ZNF638: variants seen among roughly 807,000 people sequenced by gnomAD.
ZNF638 encodes CTCL tumor antigen se33-1.
ZNF638 carries 46 observed loss-of-function variants against 195.6 expected under a neutral mutation model. The ratio of observed to expected loss-of-function variants is 0.24; its 90% confidence interval spans 0.19 to 0.30. ZNF638 has a LOEUF of 0.30. ZNF638 is among the 10% of genes least tolerant of loss of function. The pLI is 1.00. For missense variants in ZNF638, 2,440 were observed against 2,325.3 expected, an observed-to-expected ratio of 1.05 and a Z score of -1.01; for synonymous variants, 845 against 772.0, an observed-to-expected ratio of 1.09 and a Z score of -1.57.
At chr2:71,431,164 C>A in intron 25 of ZNF638, 163 bp from the exon 26 acceptor site, 1 of 579,856 alleles carries the variant, frequency 1.7e-6, no homozygotes, top group Non-Finnish European at 3.1e-6. Flanking sequence ...CCATTTATTC[C>A]TTACATTAAA....
chr2:71,384,683 G>A (rs943369143), intron 10 of ZNF638, among the ~76,000 whole-genome samples: 1 of 123,640 alleles, frequency 8.1e-6, no homozygotes, highest in Non-Finnish European at 1.9e-5. Context: ...TTCCTTGATC[G>A]AATGATTTTT....
chr2:71,409,423 A>T (rs1236624871), intron 20 of ZNF638, among the ~76,000 whole-genome samples: 1 of 152,078 alleles, frequency 6.6e-6, no homozygotes, highest in Non-Finnish European at 1.5e-5. Flanking sequence ...AGCATGTAGC[A>T]CTCCATTCTA....
chr2:71,386,279 G>T, intron 10 of ZNF638, among the ~76,000 whole-genome samples: 1 of 115,818 alleles, frequency 8.6e-6, no homozygotes. Flanking sequence ...ATGCAACAGA[G>T]TGAGACCTTG....
chr2:71,383,977 G>T (rs2079586996), intron 10 of ZNF638, among the ~76,000 whole-genome samples: 1 of 151,542 alleles, frequency 6.6e-6, no homozygotes, highest in South Asian at 2.1e-4. Flanking sequence ...CTATCCCCTT[G>T]AGTATACTCT....
chr2:71,385,414 TAA>T (rs1187126190), intron 10 of ZNF638, among the ~76,000 whole-genome samples: 1 of 152,170 alleles, frequency 6.6e-6, no homozygotes, highest in Non-Finnish European at 1.5e-5. Flanking sequence ...ATGGCTATTT[TAA>T]AAAGTTTTAT....
chr2:71,361,018 T>C (rs890887527), intron 3 of ZNF638, among the ~76,000 whole-genome samples: 2 of 152,086 alleles, frequency 1.3e-5, no homozygotes, highest in African/African-American at 4.8e-5. Flanking sequence ...ACAATATTAT[T>C]TATTGCTATC....
Position 71,385,024 on chromosome 2 carries a change from G to A in ZNF638, c.2377+4459G>A, listed in dbSNP as rs75358183. On this transcript the variant is annotated intron_variant, in intron 10 of 27. Coordinates refer to ENST00000264447, the MANE Select transcript of ZNF638 (RefSeq NM_014497.5). The stretch of plus-strand genomic sequence containing the variant: ...ACCATGGCATTCAGGAGAAGGGAAA[G>A]CTTCCTGTAAAAGGGGAAATGAGAA... Among the ~76,000 whole-genome samples, 194 of 152,278 alleles carry A rather than the reference G, an allele frequency of 1.3e-3. 6 individuals are homozygous for A. In the East Asian group the frequency reaches 0.033, roughly 26 times the overall value.
chr2:71,344,482 T>TA (rs1193135214), intron 1 of ZNF638, among the ~76,000 whole-genome samples: 1 of 151,956 alleles, frequency 6.6e-6, no homozygotes, highest in African/African-American at 2.4e-5. Flanking sequence ...TCTTAAAAAG[T>TA]AGAGTGTTAG....
Position 71,395,401 on chromosome 2 carries a change from C to T in ZNF638, c.2378-740C>T, listed in dbSNP as rs1037521840. 9.1e-5 allele frequency: 61 copies of T among 666,754 alleles called. No homozygotes were observed. The African/African-American group carries it at 9.6e-4, about 11-fold the overall frequency. The allele number at this position is 666,754 out of a possible 1,614,324, so 41.3% of individuals were successfully genotyped here. ...TGGTGGGAAAAGTTATAAGGAGAGA[C>T]GCAAACCTTCTTGGAAGTCCAGGAG... On this transcript the variant is annotated intron_variant, in intron 10 of 27. Transcript: ENST00000264447.
intron 27 of ZNF638, among the ~76,000 whole-genome samples, chr2:71,434,402 G>A (rs1288581969): frequency 6.6e-6 from 1 of 152,104 alleles, no homozygotes; most frequent in East Asian, 1.9e-4. Flanking sequence ...CCTCAATTAC[G>A]TTGTTGCACT....
intron 5 of ZNF638, among the ~76,000 whole-genome samples, chr2:71,365,037 A>G (rs148282330): frequency 4.6e-5 from 7 of 152,322 alleles, no homozygotes; most frequent in African/African-American, 1.7e-4. Context: ...GTTGGTTTTT[A>G]TAAAAATATT....
rs868134163 is a variant in ZNF638 at position 71,422,974 on chromosome 2, G to A, written c.3460G>A (p.Ala1154Thr). 5.6e-6 allele frequency: 9 copies of A among 1,614,004 alleles called. No homozygotes were observed. Among genetic ancestry groups the A allele is most frequent in the Middle Eastern group, 3.3e-4 (2 of 6,084 alleles). ...GCCTTGTGAGGAAGAAGCTGAAAAA[G>A]CAACATGTGATTCTGACTTTGCTGT... ...EEPCEEEAEK[A>T]TCDSDFAVET... The change falls in exon 22 of 28, where the codon GCA (alanine) becomes ACA (threonine). Residue 1154 changes from alanine (A) to threonine (T), a missense_variant. Coordinates refer to ENST00000264447, the MANE Select transcript of ZNF638 (RefSeq NM_014497.5).
At chr2:71,347,073 T>C (rs2078862770) in intron 1 of ZNF638, among the ~76,000 whole-genome samples, 1 of 151,766 alleles carries the variant, frequency 6.6e-6, no homozygotes, top group African/African-American at 2.4e-5. Context: ...ACTCTTGGCA[T>C]TGGTAGTCAA....
At chr2:71,375,600 G>C (rs1471845752) in intron 8 of ZNF638, 1 of 152,174 alleles carries the variant, frequency 6.6e-6, no homozygotes, top group Admixed American at 6.5e-5. Flanking sequence ...TGCAGAGGCA[G>C]TTAAGGAGAA....
At chr2:71,411,187 AT>A (rs1254381244) in intron 20 of ZNF638, among the ~76,000 whole-genome samples, 2 of 150,652 alleles carry the variant, frequency 1.3e-5, no homozygotes, top group African/African-American at 4.9e-5. Context: ...TTTAGTAGAA[AT>A]GGGGTTTCAC....
At chr2:71,367,745 T>TTTA (rs2079228107) in intron 6 of ZNF638, among the ~76,000 whole-genome samples, 1 of 148,126 alleles carries the variant, frequency 6.8e-6, no homozygotes, top group Admixed American at 6.7e-5. Flanking sequence ...GGCCTTTTTT[T>TTTA]TTTTTTAAAA....
chr2:71,339,432 T>C (rs2104102853), intron 1 of ZNF638, among the ~76,000 whole-genome samples: 1 of 152,334 alleles, frequency 6.6e-6, no homozygotes, highest in East Asian at 1.9e-4. Context: ...ATTACAGGCA[T>C]GAGCCACCGC....
At chr2:71,341,993 G>C (rs906619704) in intron 1 of ZNF638, among the ~76,000 whole-genome samples, 1 of 151,914 alleles carries the variant, frequency 6.6e-6, no homozygotes, top group Admixed American at 6.6e-5. Context: ...TGCTTGTTTT[G>C]CTTAATTTTA....
intron 22 of ZNF638, among the ~76,000 whole-genome samples, chr2:71,424,291 TAAAAAAAA>T (rs76683427): frequency 0.014 from 1,934 of 138,026 alleles, 41 homozygotes; most frequent in African/African-American, 0.046. Context: ...AACTGTGGTT[TAAAAAAAA>T]AAAAAAAAAG....
Sources: gnomAD v4.1 joint callset for allele counts (sites outside exome capture counted in the v4.1 genomes callset) on GRCh38, gnomAD v4.1.1 for gene constraint, MANE v1.5 for transcripts, NCBI Gene and HGNC (gene_info 2026-07-23, HGNC 2026-07-21) for gene names.